Variants in DAB1 observed in about 807,000 individuals in gnomAD.
The protein encoded by DAB1 is DAB adaptor protein 1.
Under a neutral mutation model 64.6 loss-of-function variants are expected in DAB1, and 15 were observed. That is an observed-to-expected ratio of 0.23 (90% CI 0.16 to 0.36). The LOEUF (loss-of-function observed/expected upper bound fraction) is 0.36. Ranked by LOEUF, DAB1 falls within the 10% of genes least tolerant of loss-of-function variation. The pLI is 1.00. For missense variants in DAB1, 596 were observed against 706.7 expected, an observed-to-expected ratio of 0.84 and a Z score of 1.78; for synonymous variants, 235 against 251.9, an observed-to-expected ratio of 0.93 and a Z score of 0.64.
chr1:58,150,838 C>G (rs1304673014), intron 4 of DAB1, among the ~76,000 whole-genome samples: 1 of 152,136 alleles, frequency 6.6e-6, no homozygotes, highest in Non-Finnish European at 1.5e-5. Context: ...TCCCTCCCCC[C>G]ACCGTCCCCT....
chr1:58,147,982 A>AG (rs774138354), intron 5 of DAB1, among the ~76,000 whole-genome samples: 5 of 106,602 alleles, frequency 4.7e-5, no homozygotes, highest in East Asian at 4.2e-4. Context: ...CTATAGCTGG[A>AG]GAAAAAAAAA....
intron 7 of DAB1, among the ~76,000 whole-genome samples, chr1:57,598,542 T>C (rs1645538212): frequency 6.6e-6 from 1 of 152,168 alleles, no homozygotes. Context: ...GCAGCAAGTG[T>C]CAGATCTTAT....
At chr1:57,230,934 G>A (rs190351750) in intron 2 of DAB1, among the ~76,000 whole-genome samples, 2 of 152,142 alleles carry the variant, frequency 1.3e-5, no homozygotes, top group African/African-American at 4.8e-5. Flanking sequence ...GAGAATCTGG[G>A]GAGGATTAAC....
intron 4 of DAB1, among the ~76,000 whole-genome samples, chr1:58,151,345 C>T (rs2100733360): frequency 6.6e-6 from 1 of 152,336 alleles, no homozygotes; most frequent in Admixed American, 6.5e-5. Flanking sequence ...CACATCCTCT[C>T]CAGCATCTGT....
chr1:58,333,442 A>C (rs372024963), intron 4 of DAB1, among the ~76,000 whole-genome samples: 6 of 152,236 alleles, frequency 3.9e-5, no homozygotes, highest in African/African-American at 1.2e-4. Flanking sequence ...TAAAATCTTG[A>C]TAGAGGATGT....
intron 2 of DAB1, among the ~76,000 whole-genome samples, chr1:57,260,167 T>C (rs372199204): frequency 6.6e-6 from 1 of 152,080 alleles, no homozygotes; most frequent in African/African-American, 2.4e-5. Context: ...AGGGCAACAA[T>C]ACACCAGGGC....
At chr1:58,208,347 G>A (rs962554928) in intron 4 of DAB1, among the ~76,000 whole-genome samples, 2 of 152,078 alleles carry the variant, frequency 1.3e-5, no homozygotes, top group Non-Finnish European at 2.9e-5. Context: ...TGGTTACATG[G>A]ACAAGTTCTT....
chr1:57,135,405 G>C (rs1657995069), intron 4 of DAB1, among the ~76,000 whole-genome samples: 1 of 152,074 alleles, frequency 6.6e-6, no homozygotes, highest in Non-Finnish European at 1.5e-5. Flanking sequence ...TGTCTTCAAG[G>C]CTCATACACA....
In DAB1 at chr1:57,291,162, G is replaced by A; in HGVS notation, c.-132C>T. 1 of 491,294 alleles carries A rather than the reference G, an allele frequency of 2.0e-6. No homozygotes were observed. Among genetic ancestry groups the A allele is most frequent in the Non-Finnish European group, 3.7e-6 (1 of 273,400 alleles). The allele number at this position is 491,294 out of a possible 1,614,324, so 30.4% of individuals were successfully genotyped here. ...GCTGCACATTTCATTCACTCTTTTT[G>A]AGTGCTGCAAATCAAGGCAAGAGAA... is the stretch of plus-strand genomic sequence containing the variant. On this transcript the variant is annotated 5_prime_UTR_variant, in exon 2 of 15. Transcript: ENST00000371236.
At position 57,071,062 on chromosome 1, in the gene DAB1, C is replaced by T; in HGVS notation, c.559-1G>A. 6.2e-7 allele frequency: 1 copy of T among 1,612,320 alleles called. No homozygotes were observed. Among genetic ancestry groups the T allele is most frequent in the Admixed American group, 1.7e-5 (1 of 59,994 alleles). ...CTTCAACATCCTCTTCCAATATTGT[C>T]TATTGCAGAGTAAGGAGAGGGAGGG... On this transcript the variant is annotated splice_acceptor_variant, in intron 6 of 14. Coordinates refer to ENST00000371236, the MANE Select transcript of DAB1 (RefSeq NM_001365792.1). LOFTEE classifies it high-confidence loss of function.
At position 57,439,418 on chromosome 1, in the gene DAB1, G is replaced by GTTTTTTTTTTTTGTTTTTTTTTGTTTTT; in HGVS notation, n.626-148253_626-148252insAAAAACAAAAAAAAACAAAAAAAAAAAA. On this transcript the variant is annotated intron_variant and non_coding_transcript_variant, in intron 7 of 20. Coordinates refer to the DAB1 transcript ENST00000485760. ...GCCATGCCATCAACTTGGTGATGAG[G>GTTTTTTTTTTTTGTTTTTTTTTGTTTTT]TTTTTTCTTTTTTTTTTTTTTTTTT... Among the ~76,000 whole-genome samples the GTTTTTTTTTTTTGTTTTTTTTTGTTTTT allele has an allele frequency of 4.3e-4, 50 of 116,156 alleles. 8 individuals carry two copies. The East Asian group carries it at 8.2e-3, about 19-fold the overall frequency. The allele number at this position is 116,156 out of a possible 152,430, so 76.2% of individuals were successfully genotyped here.
At chr1:58,058,378 C>T (rs968655436) in intron 5 of DAB1, among the ~76,000 whole-genome samples, 2 of 152,142 alleles carry the variant, frequency 1.3e-5, no homozygotes, top group African/African-American at 4.8e-5. Flanking sequence ...ACCAGCAAAC[C>T]CCATTGCATG....
At chr1:57,938,219 T>C (rs1000587436) in intron 5 of DAB1, among the ~76,000 whole-genome samples, 5 of 152,200 alleles carry the variant, frequency 3.3e-5, no homozygotes, top group Non-Finnish European at 5.9e-5. Flanking sequence ...TTCTGTACAA[T>C]AGGGATACTG....
At chr1:57,323,483 C>G (rs1308136439) in intron 1 of DAB1, among the ~76,000 whole-genome samples, 1 of 152,110 alleles carries the variant, frequency 6.6e-6, no homozygotes, top group Non-Finnish European at 1.5e-5. Flanking sequence ...TTTCTTATTC[C>G]CCATAGATTC....
chr1:58,464,035 G>A (rs1645270433), intron 3 of DAB1, among the ~76,000 whole-genome samples: 1 of 152,218 alleles, frequency 6.6e-6, no homozygotes, highest in Non-Finnish European at 1.5e-5. Context: ...GATACTGAAC[G>A]ACAGGAGGTG....
At chr1:58,147,364 A>G (rs1654659138) in intron 5 of DAB1, among the ~76,000 whole-genome samples, 1 of 150,208 alleles carries the variant, frequency 6.7e-6, no homozygotes, top group Non-Finnish European at 1.5e-5. Flanking sequence ...CATGCCTGTA[A>G]TCCCAGCACT....
chr1:57,118,645 G>A (rs532368266), intron 4 of DAB1, among the ~76,000 whole-genome samples: 2 of 152,280 alleles, frequency 1.3e-5, no homozygotes, highest in Admixed American at 1.3e-4. Flanking sequence ...TCCTTCATCA[G>A]CTGCCTTGTG....
intron 1 of DAB1, among the ~76,000 whole-genome samples, chr1:57,832,864 C>T (rs1407894891): frequency 6.6e-6 from 1 of 152,124 alleles, no homozygotes; most frequent in Non-Finnish European, 1.5e-5. Flanking sequence ...GGGTGGTCCA[C>T]CCAAAACTGG....
intron 5 of DAB1, among the ~76,000 whole-genome samples, chr1:57,927,536 C>G (rs950335543): frequency 6.6e-6 from 1 of 152,018 alleles, no homozygotes; most frequent in Non-Finnish European, 1.5e-5. Context: ...AAAAACAAAA[C>G]AAAAAACCAA....
Sources: allele counts gnomAD v4.1 joint callset (sites outside exome capture counted in the v4.1 genomes callset), GRCh38; gene constraint gnomAD v4.1.1; transcripts MANE v1.5; gene names NCBI Gene and HGNC (gene_info 2026-07-23, HGNC 2026-07-21).